IMMT: variants seen among roughly 807,000 people sequenced by gnomAD.
IMMT encodes the protein MICOS complex subunit MIC60.
Under a neutral mutation model 92.7 loss-of-function variants are expected in IMMT, and 40 were observed. The observed-to-expected ratio is 0.43, with a 90% CI of 0.34 to 0.56. The LOEUF (loss-of-function observed/expected upper bound fraction) is 0.56. Ranked by LOEUF, IMMT falls within the 20% of genes least tolerant of loss-of-function variation. The pLI is 0.03. For missense variants in IMMT, 831 were observed against 912.1 expected (o/e 0.91, Z 1.14); for synonymous variants, 322 against 336.1 (o/e 0.96, Z 0.46).
Position 86,147,766 on chromosome 2 carries a change from T to A in IMMT, c.1469A>T (p.His490Leu). The change falls in exon 13 of 15, where the codon CAC becomes CTC. Residue 490 changes from histidine to leucine, a missense_variant. His to Leu is a moderately conservative substitution (Grantham distance 99). Transcript: ENST00000410111. ...AAGGACATCTCGCAAGTGATCAGTG[T>A]GGGCAGCTGCCTGTCGGCGAAGCTG... The part of the protein sequence containing the change: ...RTQLRRQAAA[H>L]TDHLRDVLRV... 1 of 1,613,972 alleles carries A rather than the reference T, an allele frequency of 6.2e-7. No individual in the cohort carries two copies. Among genetic ancestry groups the A allele is most frequent in the Non-Finnish European group, 8.5e-7 (1 of 1,179,830 alleles).
Position 86,184,425 on chromosome 2 carries a change from C to T in IMMT, c.46-3053G>A, listed in dbSNP as rs947219924. Among the ~76,000 whole-genome samples the T allele has an allele frequency of 2.0e-5, 3 of 152,232 alleles. No individual in the cohort carries two copies. In the East Asian group the frequency reaches 5.8e-4, roughly 29 times the overall value. On this transcript the variant is annotated intron_variant, in intron 1 of 14. Coordinates refer to ENST00000410111, the MANE Select transcript of IMMT (RefSeq NM_006839.3). ...TCATGGCCTCAAGCAATCCTCCTAC[C>T]TTGGCCTCTCAAAGCACTGAGTAAT...
At chr2:86,151,661 C>T (rs1350700671) in intron 11 of IMMT, 141 bp from the exon 12 acceptor site, 9 of 671,644 alleles carry the variant, frequency 1.3e-5, no homozygotes, top group Non-Finnish European at 2.0e-5. Context: ...ATTTAGATTC[C>T]CCAGTTCAAT....
chr2:86,146,804 A>G lies in IMMT; in HGVS notation c.1534-607T>C, dbSNP rs566908917. Among the ~76,000 whole-genome samples, 154 of 152,212 alleles carry G rather than the reference A, an allele frequency of 1.0e-3. 2 individuals are homozygous for G. Among genetic ancestry groups the G allele is most frequent in the South Asian group, 4.8e-3 (23 of 4,820 alleles). On this transcript the variant is annotated intron_variant, in intron 13 of 14. Transcript: ENST00000410111. ...GAGACAGAATCTTGCTCTGTCATCC[A>G]GGCTGGAGTGCAGTGGCACAACCTC...
At chr2:86,155,462 A>G (rs924995801) in intron 10 of IMMT, among the ~76,000 whole-genome samples, 2 of 152,134 alleles carry the variant, frequency 1.3e-5, no homozygotes, top group Admixed American at 1.3e-4. Flanking sequence ...TTTTTCATCT[A>G]TGTAATTGGG....
chr2:86,189,891 C>T (rs1461192967), intron 1 of IMMT, among the ~76,000 whole-genome samples: 1 of 152,152 alleles, frequency 6.6e-6, no homozygotes, highest in Non-Finnish European at 1.5e-5. Context: ...TTACATTTTA[C>T]ATTACAATTT....
At position 86,158,942 on chromosome 2, in the gene IMMT, T is replaced by C. The variant is rs570931918; in HGVS notation, c.1033-221A>G. 5.9e-5 allele frequency among the ~76,000 whole-genome samples: 9 copies of C among 152,198 alleles called. No individual in the cohort carries two copies. The South Asian group carries it at 1.9e-3, about 32-fold the overall frequency. On this transcript the variant is annotated intron_variant, in intron 9 of 14. Transcript: ENST00000410111. ...CATCTTACTATGCCCCCTCCCTCCA[T>C]ACATATCATATAAGTGCAGGCAGAA...
chr2:86,166,993 G>A (rs1046691253), intron 6 of IMMT, among the ~76,000 whole-genome samples: 2 of 151,172 alleles, frequency 1.3e-5, no homozygotes, highest in African/African-American at 4.9e-5. Context: ...AGCTACCTGG[G>A]AGGCTGAGGC....
At position 86,172,939 on chromosome 2, in the gene IMMT, C is replaced by T. The variant is rs144169531; in HGVS notation, c.421+711G>A. On this transcript the variant is annotated intron_variant, in intron 4 of 14. Coordinates refer to ENST00000410111, the MANE Select transcript of IMMT (RefSeq NM_006839.3). ...ATTCCCTCCCACAATGTCTGACATC[C>T]TATACGTTTTACTTGTTTATTTCCT... Among the ~76,000 whole-genome samples the T allele has an allele frequency of 3.3e-3, 504 of 152,288 alleles. 1 individual carries two copies. Among genetic ancestry groups the T allele is most frequent in the Non-Finnish European group, 5.2e-3 (355 of 68,028 alleles).
intron 13 of IMMT, among the ~76,000 whole-genome samples, chr2:86,147,293 TA>T (rs1675094612): frequency 6.6e-6 from 1 of 152,190 alleles, no homozygotes; most frequent in South Asian, 2.1e-4. Context: ...AACAAGTTAA[TA>T]TTACTGTAAA....
chr2:86,159,698 A>T (rs1393443436), intron 8 of IMMT, 27 bp from the exon 9 acceptor site: 4 of 1,518,900 alleles, frequency 2.6e-6, no homozygotes, highest in Non-Finnish European at 2.6e-6. Context: ...CAAAGATTTA[A>T]TATAACTTCT....
At chr2:86,182,682 T>G (rs1444219543) in intron 1 of IMMT, among the ~76,000 whole-genome samples, 1 of 152,034 alleles carries the variant, frequency 6.6e-6, no homozygotes, top group African/African-American at 2.4e-5. Context: ...CCATCTCTAC[T>G]ACAAATACAA....
chr2:86,144,981 G>T, intron 14 of IMMT, 100 bp from the exon 15 acceptor site: 2 of 1,343,340 alleles, frequency 1.5e-6, no homozygotes, highest in East Asian at 2.4e-5. Context: ...CTACACATGT[G>T]CAAGATGAGG....
At chr2:86,161,453 C>G (rs1398298665) in intron 8 of IMMT, among the ~76,000 whole-genome samples, 1 of 151,100 alleles carries the variant, frequency 6.6e-6, no homozygotes, top group Non-Finnish European at 1.5e-5. Context: ...AGCCACTGTA[C>G]TCAGCCTGGA....
In IMMT at chr2:86,170,824, T is replaced by C. The variant is rs1157854857; in HGVS notation, c.580A>G (p.Ile194Val). ...ALSEEASSSS[I>V]RERPPEEVAA... ...ACTTCTTCAGGTGGTCGCTCCCTTA[T>C]AGAAGATGAGGATGCTTCTTCTTGC... The change falls in exon 6 of 15, where the codon ATA becomes GTA. Residue 194 changes from isoleucine (I) to valine (V), a missense_variant. Coordinates refer to ENST00000410111, the MANE Select transcript of IMMT (RefSeq NM_006839.3). 2 of 1,584,220 alleles carry C rather than the reference T, an allele frequency of 1.3e-6. No individual in the cohort carries two copies. The highest frequency in any genetic ancestry group is 1.7e-6 in the Non-Finnish European group (2 of 1,163,412).
In IMMT at chr2:86,173,672, T is replaced by C; in HGVS notation, c.399A>G (p.Gly133=). 3 of 1,592,152 alleles carry C rather than the reference T, an allele frequency of 1.9e-6. No individual in the cohort carries two copies. The highest frequency in any genetic ancestry group is 2.2e-5 in the South Asian group (2 of 90,186). Residue 133 remains glycine (G), a synonymous_variant, in exon 4 of 15, where the codon GGA becomes GGG. Coordinates refer to ENST00000410111, the MANE Select transcript of IMMT (RefSeq NM_006839.3). ...TACCTGTTGCTGAAGCTGGAGTATC[T>C]CCCTTTTGTTTTTGGAGTTGTGAGG... The part of the protein sequence containing the change: ...QPASQLQKQK[G]DTPASATAPT...
At chr2:86,146,267 C>G in intron 13 of IMMT, 70 bp from the exon 14 acceptor site, 1 of 1,353,264 alleles carries the variant, frequency 7.4e-7, no homozygotes, top group South Asian at 1.5e-5. Context: ...GTGTAATCTT[C>G]CAGCAACTAC....
At chr2:86,149,462 G>A (rs2104622889) in intron 12 of IMMT, among the ~76,000 whole-genome samples, 1 of 152,334 alleles carries the variant, frequency 6.6e-6, no homozygotes, top group Non-Finnish European at 1.5e-5. Context: ...GCAGTGTAGT[G>A]TCTGATTCGA....
chr2:86,147,735 T>C lies in IMMT; in HGVS notation c.1500A>G (p.Val500=), dbSNP rs770577912. ...ATTCAGACTTCAATTCCTGTTCTTG[T>C]ACCCTAAGGACATCTCGCAAGTGAT... is the stretch of plus-strand genomic sequence containing the variant. The part of the protein sequence containing the change: ...HTDHLRDVLR[V]QEQELKSEFE... The change falls in exon 13 of 15, where the codon GTA becomes GTG. Residue 500 remains valine (V), a synonymous_variant. Coordinates refer to ENST00000410111, the MANE Select transcript of IMMT (RefSeq NM_006839.3). The C allele has an allele frequency of 6.2e-7, 1 of 1,613,576 alleles. No individual in the cohort carries two copies. The highest frequency in any genetic ancestry group is 1.3e-5 in the African/African-American group (1 of 74,918).
intron 1 of IMMT, among the ~76,000 whole-genome samples, chr2:86,186,833 G>A (rs1672808370): frequency 6.6e-6 from 1 of 152,166 alleles, no homozygotes; most frequent in East Asian, 1.9e-4. Flanking sequence ...TAACTCATAA[G>A]AACAGATCTT....
Sources: allele counts gnomAD v4.1 joint callset (sites outside exome capture counted in the v4.1 genomes callset), GRCh38; gene constraint gnomAD v4.1.1; transcripts MANE v1.5; gene names NCBI Gene and HGNC (gene_info 2026-07-23, HGNC 2026-07-21).